The following TCEA3 variants were observed in gnomAD, a reference collection of about 807,000 sequenced individuals.
The protein encoded by TCEA3 is transcription elongation factor A3.
TCEA3 carries 36 observed loss-of-function variants against 44.0 expected under a neutral mutation model. The observed-to-expected ratio is 0.82, with a 90% CI of 0.63 to 1.08. The LOEUF is 1.08. Ranked by LOEUF, TCEA3 falls within the 50% of genes least tolerant of loss-of-function variation. The pLI is 0.00. For missense variants in TCEA3, 392 were observed against 441.2 expected (o/e 0.89, Z 1.00); for synonymous variants, 162 against 159.7 (o/e 1.01, Z -0.11).
At chr1:23,392,392 C>T (rs1312493064) in intron 8 of TCEA3, among the ~76,000 whole-genome samples, 3 of 72,928 alleles carry the variant, frequency 4.1e-5, no homozygotes, top group Non-Finnish European at 7.9e-5. Context: ...ATACACAAAA[C>T]ACACTCCACA....
Position 23,418,021 on chromosome 1 carries a change from G to A in TCEA3, c.133-12C>T. The A allele has an allele frequency of 6.2e-7, 1 of 1,613,362 alleles. No individual in the cohort carries two copies. Among genetic ancestry groups the A allele is most frequent in the Non-Finnish European group, 8.5e-7 (1 of 1,179,312 alleles). ...CCAATCCTGGTTGTCTGCAAAGTGA[G>A]AGGGTTAAGGCATAATCTGGGAATG... On this transcript the variant is annotated splice_polypyrimidine_tract_variant and intron_variant, in intron 2 of 10. Transcript: ENST00000450454.
chr1:23,384,001 C>T, intron 10 of TCEA3: 1 of 1,126,244 alleles, frequency 8.9e-7, no homozygotes, highest in Non-Finnish European at 1.1e-6. Context: ...AAGCACTTTC[C>T]AAAGAGGCGT....
At chr1:23,391,674 G>A (rs1181555237) in intron 8 of TCEA3, among the ~76,000 whole-genome samples, 4 of 152,156 alleles carry the variant, frequency 2.6e-5, no homozygotes, top group Admixed American at 2.6e-4. Context: ...TGTAATCCCA[G>A]CACTTTGGGA....
chr1:23,402,846 A>G (rs1618841), intron 5 of TCEA3, among the ~76,000 whole-genome samples: 20,210 of 152,176 alleles, frequency 0.13, 2,899 homozygotes, highest in African/African-American at 0.34. Flanking sequence ...ATGGATGGAT[A>G]AATGAATAAA....
chr1:23,387,168 T>C (rs1638870170), intron 9 of TCEA3, 105 bp downstream of exon 9: 1 of 1,431,686 alleles, frequency 7.0e-7, no homozygotes, highest in Non-Finnish European at 9.3e-7. Context: ...TAGAGAGTTT[T>C]AACGCTTTCT....
chr1:23,408,652 G>T lies in TCEA3; in HGVS notation c.443+12C>A. ...AGGACACTGGGATGGAGAAAGCTGT[G>T]GTTTCCTTTACCTTTCCACCGATGG... On this transcript the variant is annotated intron_variant, in intron 5 of 10. Transcript: ENST00000450454. 6.2e-7 allele frequency: 1 copy of T among 1,609,028 alleles called. No individual in the cohort carries two copies. The highest frequency in any genetic ancestry group is 1.1e-5 in the South Asian group (1 of 89,624).
chr1:23,418,161 C>A, intron 2 of TCEA3, 152 bp from the exon 3 acceptor site: 1 of 696,250 alleles, frequency 1.4e-6, no homozygotes. Context: ...AGGTCAGAAC[C>A]CCACTACTGT....
chr1:23,392,318 C>T (rs1639052708), intron 8 of TCEA3, among the ~76,000 whole-genome samples: 1 of 140,250 alleles, frequency 7.1e-6, no homozygotes, highest in Admixed American at 7.4e-5. Flanking sequence ...ACACACCACA[C>T]ACATACTTCA....
At chr1:23,391,901 C>A (rs904378277) in intron 8 of TCEA3, among the ~76,000 whole-genome samples, 2 of 151,542 alleles carry the variant, frequency 1.3e-5, no homozygotes, top group East Asian at 3.9e-4. Flanking sequence ...CCAGCCTGGG[C>A]AAAAGAGTGG....
intron 5 of TCEA3, among the ~76,000 whole-genome samples, chr1:23,399,925 C>T (rs1263180210): frequency 2.0e-5 from 3 of 152,226 alleles, no homozygotes; most frequent in Non-Finnish European, 4.4e-5. Flanking sequence ...ATCCACCTGC[C>T]TTGGCCTCCC....
chr1:23,389,221 C>G (rs537471364), intron 8 of TCEA3, among the ~76,000 whole-genome samples: 1 of 152,124 alleles, frequency 6.6e-6, no homozygotes, highest in African/African-American at 2.4e-5. Context: ...GGTGCAGTGG[C>G]TTACACCTGT....
At chr1:23,424,009 A>G in intron 1 of TCEA3, 1 of 378,440 alleles carries the variant, frequency 2.6e-6, no homozygotes, top group South Asian at 1.9e-5. Context: ...AAAATTGCCA[A>G]AAGAACCGCT....
intron 7 of TCEA3, 103 bp downstream of exon 7, chr1:23,397,442 G>A (rs7516962): frequency 0.068 from 71,112 of 1,039,182 alleles, 5,473 homozygotes; most frequent in African/African-American, 0.24. Context: ...GGCTGTTCCC[G>A]GAGCCCTTCC....
At chr1:23,401,769 C>G (rs1024482990) in intron 5 of TCEA3, among the ~76,000 whole-genome samples, 1 of 152,170 alleles carries the variant, frequency 6.6e-6, no homozygotes, top group Non-Finnish European at 1.5e-5. Flanking sequence ...GGGTTCCCAC[C>G]CCCTGGGGCC....
At chr1:23,408,258 A>T (rs896482164) in intron 5 of TCEA3, among the ~76,000 whole-genome samples, 1 of 152,166 alleles carries the variant, frequency 6.6e-6, no homozygotes, top group African/African-American at 2.4e-5. Context: ...CACTGTGCCC[A>T]GCCTAGGTAT....
At chr1:23,392,370 A>C (rs1639057726) in intron 8 of TCEA3, among the ~76,000 whole-genome samples, 4 of 145,438 alleles carry the variant, frequency 2.8e-5, no homozygotes, top group Admixed American at 7.0e-5. Context: ...ATACACACAC[A>C]CTCCACACAT....
At chr1:23,422,647 G>T (rs773821225) in intron 1 of TCEA3, among the ~76,000 whole-genome samples, 1 of 152,100 alleles carries the variant, frequency 6.6e-6, no homozygotes, top group Non-Finnish European at 1.5e-5. Context: ...ACTGCCGAGA[G>T]CCCAGGCGCA....
chr1:23,403,100 G>A (rs1340106577), intron 5 of TCEA3, among the ~76,000 whole-genome samples: 6 of 152,242 alleles, frequency 3.9e-5, no homozygotes, highest in Non-Finnish European at 7.3e-5. Flanking sequence ...ATGGTGTCTC[G>A]CTGACCTGTG....
intron 9 of TCEA3, among the ~76,000 whole-genome samples, chr1:23,384,848 CTTG>C (rs370623236): frequency 8.0e-4 from 121 of 151,886 alleles, no homozygotes; most frequent in African/African-American, 2.8e-3. Context: ...GACTTTCACT[CTTG>C]TTGGTCACTC....
Sources: allele counts gnomAD v4.1 joint callset (sites outside exome capture counted in the v4.1 genomes callset), GRCh38; gene constraint gnomAD v4.1.1; transcripts MANE v1.5; gene names NCBI Gene and HGNC (gene_info 2026-07-23, HGNC 2026-07-21).